The following CNKSR3 variants were observed in gnomAD, a reference collection of about 807,000 sequenced individuals.
The protein encoded by CNKSR3 is connector enhancer of kinase suppressor of ras 3.
A neutral mutation model predicts 67.7 loss-of-function variants in CNKSR3; 36 were observed. That is an observed-to-expected ratio of 0.53 (90% confidence interval 0.41 to 0.70). The LOEUF (loss-of-function observed/expected upper bound fraction) is 0.70. CNKSR3 is among the 30% of genes least tolerant of loss of function. The pLI, the probability that CNKSR3 is intolerant of heterozygous loss-of-function variation, is 0.00. For synonymous variants in CNKSR3, 281 were observed against 271.4 expected, an observed-to-expected ratio of 1.04 and a Z score of -0.35; for missense variants, 630 against 695.2, an observed-to-expected ratio of 0.91 and a Z score of 1.05.
chr6:154,439,425 C>T (rs1785537580), intron 4 of CNKSR3, among the ~76,000 whole-genome samples: 1 of 152,194 alleles, frequency 6.6e-6, no homozygotes, highest in South Asian at 2.1e-4. Context: ...CCTGCCTTCA[C>T]TTTCATCCCT....
Position 154,422,566 on chromosome 6 carries a change from C to T in CNKSR3, c.885G>A (p.Gly295=). The T allele has an allele frequency of 1.2e-6, 2 of 1,614,046 alleles. No individual in the cohort carries two copies. The highest frequency in any genetic ancestry group is 1.7e-6 in the Non-Finnish European group (2 of 1,180,010). ...VVLLLKKRPT[G]SFNFTPAPLK... is the part of the protein sequence containing the mutation. The stretch of plus-strand genomic sequence containing the variant: ...GGGGAGCAGGAGTAAAGTTGAAAGA[C>T]CCGGTGGGGCGCTTCTTAAGCAGTA... Residue 295 remains glycine, a synonymous_variant, in exon 9 of 13, where the codon GGG becomes GGA. Coordinates refer to ENST00000607772, the MANE Select transcript of CNKSR3 (RefSeq NM_173515.4).
At position 154,389,778 on chromosome 6, in the gene CNKSR3, A is replaced by G. The variant is rs1048592869; in HGVS notation, c.*16576T>C. ...CACAGAACTATCTAAAAAGGAAATT[A>G]GCGAAACAATCCCATATATAATAGC... On this transcript the variant is annotated 3_prime_UTR_variant, in exon 13 of 13. Transcript: ENST00000607772. The G allele has an allele frequency of 6.6e-6, 1 of 152,270 alleles. No homozygotes were observed. Among genetic ancestry groups the G allele is most frequent in the African/African-American group, 2.4e-5 (1 of 41,478 alleles). 9.4% of individuals were successfully genotyped at this position (152,270 alleles called of 1,614,324 possible).
chr6:154,458,963 G>A (rs1019992558), intron 1 of CNKSR3, among the ~76,000 whole-genome samples: 1 of 151,926 alleles, frequency 6.6e-6, no homozygotes, highest in African/African-American at 2.4e-5. Flanking sequence ...CTACTCAGAA[G>A]TTACCTTTAC....
intron 1 of CNKSR3, among the ~76,000 whole-genome samples, chr6:154,507,220 A>G (rs539353153): frequency 6.6e-5 from 10 of 152,372 alleles, no homozygotes; most frequent in Non-Finnish European, 2.9e-5. Context: ...CATTAATAAT[A>G]AAAGCCAGAC....
At position 154,406,533 on chromosome 6, in the gene CNKSR3, C is replaced by T. The variant is rs368119572; in HGVS notation, c.1489G>A (p.Ala497Thr). ...CACCTGCTTCCTCGGATGTAGTCCG[C>T]ACCCCGGACCAGATGCCGCTCGGTC... ...PTTERHLVRG[A>T]DYIRGSRCYI... is the part of the protein sequence containing the mutation. Residue 497 changes from alanine to threonine, a missense_variant, in exon 13 of 13, where the codon GCG becomes ACG. Physicochemically the swap from Ala to Thr is moderately conservative, Grantham distance 58 (BLOSUM62 0). Coordinates refer to ENST00000607772, the MANE Select transcript of CNKSR3 (RefSeq NM_173515.4). 5.6e-6 allele frequency: 9 copies of T among 1,614,118 alleles called. No homozygotes were observed. Among genetic ancestry groups the T allele is most frequent in the African/African-American group, 1.3e-5 (1 of 74,938 alleles).
chr6:154,411,672 T>C (rs112151262), intron 10 of CNKSR3, among the ~76,000 whole-genome samples: 1 of 135,954 alleles, frequency 7.4e-6, no homozygotes. Flanking sequence ...AAATGCAGGG[T>C]TTTTTTTAAT....
At chr6:154,414,477 T>C (rs1784977966) in intron 9 of CNKSR3, 54 bp from the exon 10 acceptor site, 2 of 1,547,474 alleles carry the variant, frequency 1.3e-6, no homozygotes, top group South Asian at 1.3e-5. Context: ...TCAGAGATGA[T>C]TCTTGGTGTT....
intron 7 of CNKSR3, among the ~76,000 whole-genome samples, chr6:154,423,418 C>G (rs769861959): frequency 6.6e-6 from 1 of 152,164 alleles, no homozygotes; most frequent in Non-Finnish European, 1.5e-5. Flanking sequence ...TGGCTGCCAC[C>G]ATGCCCAGCT....
chr6:154,468,075 T>C (rs1349505690), intron 1 of CNKSR3, among the ~76,000 whole-genome samples: 1 of 70,084 alleles, frequency 1.4e-5, no homozygotes, highest in Non-Finnish European at 3.8e-5. Flanking sequence ...TTTTTTCTTT[T>C]TTTTCTTTTT....
At chr6:154,502,003 C>T (rs998783493) in intron 1 of CNKSR3, among the ~76,000 whole-genome samples, 1 of 152,140 alleles carries the variant, frequency 6.6e-6, no homozygotes, top group African/African-American at 2.4e-5. Flanking sequence ...TGACAATCAG[C>T]CACAACAATA....
At chr6:154,415,228 A>ATTTTTTTTTTTGTTTTT (rs1784998903) in intron 9 of CNKSR3, among the ~76,000 whole-genome samples, 1 of 118,106 alleles carries the variant, frequency 8.5e-6, no homozygotes, top group Non-Finnish European at 1.7e-5. Context: ...CTAGCTGCCC[A>ATTTTTTTTTTTGTTTTT]TTTTTTTTTT....
intron 2 of CNKSR3, among the ~76,000 whole-genome samples, chr6:154,444,689 T>A (rs1379361685): frequency 6.7e-6 from 1 of 148,296 alleles, no homozygotes; most frequent in East Asian, 2.0e-4. Flanking sequence ...CACTGCAACC[T>A]CTGACTCCCT....
chr6:154,465,592 C>A (rs568527112), intron 1 of CNKSR3, among the ~76,000 whole-genome samples: 5 of 152,296 alleles, frequency 3.3e-5, no homozygotes, highest in Admixed American at 2.0e-4. Context: ...ATTCTCACTG[C>A]CAGATGCTAC....
chr6:154,444,807 A>AT (rs1339226932), intron 2 of CNKSR3, among the ~76,000 whole-genome samples: 1 of 152,014 alleles, frequency 6.6e-6, no homozygotes, highest in East Asian at 1.9e-4. Flanking sequence ...GGGTTTCACC[A>AT]TGTTGGCCAG....
chr6:154,491,683 A>G (rs1381240955), intron 1 of CNKSR3, among the ~76,000 whole-genome samples: 1 of 152,244 alleles, frequency 6.6e-6, no homozygotes, highest in Admixed American at 6.5e-5. Context: ...TGTGAAAAAA[A>G]AAAATGAAGA....
chr6:154,414,435 G>A lies in CNKSR3; in HGVS notation c.946-12C>T, dbSNP rs1195587269. 6.3e-6 allele frequency: 10 copies of A among 1,576,338 alleles called. No individual in the cohort carries two copies. The highest frequency in any genetic ancestry group is 2.7e-5 in the African/African-American group (2 of 73,488). On this transcript the variant is annotated splice_polypyrimidine_tract_variant and intron_variant, in intron 9 of 12. Transcript: ENST00000607772. Reference sequence around the variant, plus strand: ...GGTGGAGGTGAGGTCTGAAACAGGAGTAACACAGCAATGCAAAGAGTGGAG... The same window carrying A: ...GGTGGAGGTGAGGTCTGAAACAGGAATAACACAGCAATGCAAAGAGTGGAG...
Position 154,510,513 on chromosome 6 carries a change from T to G in CNKSR3, c.-399A>C. 9.7e-6 allele frequency: 2 copies of G among 205,214 alleles called. No individual in the cohort carries two copies. The highest frequency in any genetic ancestry group is 1.9e-5 in the Non-Finnish European group (2 of 102,756). The allele number at this position is 205,214 out of a possible 1,614,324, so 12.7% of individuals were successfully genotyped here. ...GCGATCGGCTCTCCCTCGGCCGGTCTTCTCGCCTGCTGGCTCTCCGGGGTC... is the reference window on the plus strand; with the variant it reads ...GCGATCGGCTCTCCCTCGGCCGGTCGTCTCGCCTGCTGGCTCTCCGGGGTC... On this transcript the variant is annotated 5_prime_UTR_variant, in exon 1 of 13. Coordinates refer to ENST00000607772, the MANE Select transcript of CNKSR3 (RefSeq NM_173515.4).
chr6:154,497,117 C>CCT (rs1562358594), intron 1 of CNKSR3, among the ~76,000 whole-genome samples: 1 of 152,126 alleles, frequency 6.6e-6, no homozygotes. Context: ...GTGGCTCACT[C>CCT]CTGCAATCCC....
chr6:154,451,822 C>G (rs961157787), intron 1 of CNKSR3, among the ~76,000 whole-genome samples: 1 of 152,134 alleles, frequency 6.6e-6, no homozygotes, highest in African/African-American at 2.4e-5. Context: ...CATTTGGAAC[C>G]CAACTCATCC....
Sources: gnomAD v4.1 joint callset for allele counts (sites outside exome capture counted in the v4.1 genomes callset) on GRCh38, gnomAD v4.1.1 for gene constraint, MANE v1.5 for transcripts, NCBI Gene and HGNC (gene_info 2026-07-23, HGNC 2026-07-21) for gene names.